Variants in TENT5D observed in about 807,000 individuals in gnomAD.
The protein encoded by TENT5D is cancer/testis antigen 112.
For synonymous variants in TENT5D, 103 were observed against 100.6 expected (o/e 1.02, Z -0.15); for missense variants, 191 against 287.0 (o/e 0.67, Z 2.42).
chrX:80,441,629 C>G (rs544557232), intron 2 of TENT5D, among the ~76,000 whole-genome samples: 13 of 111,179 alleles, frequency 1.2e-4, no homozygotes, highest in Non-Finnish European at 2.1e-4. Context: ...TCCATGTAAT[C>G]ACTGTGATTG....
chrX:80,367,875 G>A (rs965745100), intron 3 of TENT5D, among the ~76,000 whole-genome samples: 3 of 111,539 alleles, frequency 2.7e-5, no homozygotes, highest in Non-Finnish European at 5.7e-5. Context: ...GGGGGAAGTA[G>A]TGATGGTTAA....
At chrX:80,378,392 C>G (rs1930777819) in intron 3 of TENT5D, among the ~76,000 whole-genome samples, 1 of 111,654 alleles carries the variant, frequency 9.0e-6, no homozygotes, top group South Asian at 3.7e-4. Flanking sequence ...AGTCTTTAAT[C>G]CATCTTAAAT....
chrX:80,387,910 A>G (rs1931051859), intron 3 of TENT5D, among the ~76,000 whole-genome samples: 1 of 111,067 alleles, frequency 9.0e-6, no homozygotes, highest in Non-Finnish European at 1.9e-5. Context: ...TCTATTCTGT[A>G]TTCTACTATG....
At chrX:80,388,921 T>C (rs1931074712) in intron 3 of TENT5D, among the ~76,000 whole-genome samples, 1 of 111,519 alleles carries the variant, frequency 9.0e-6, no homozygotes, top group African/African-American at 3.3e-5. Flanking sequence ...TTCCAACCAC[T>C]AGGATGGACA....
intron 3 of TENT5D, among the ~76,000 whole-genome samples, chrX:80,362,324 C>T (rs755707123): frequency 5.4e-5 from 6 of 110,848 alleles, no homozygotes; most frequent in Admixed American, 2.9e-4. Flanking sequence ...CCACCACACC[C>T]GGCTAATTTT....
chrX:80,383,886 G>T (rs1450794549), intron 3 of TENT5D, among the ~76,000 whole-genome samples: 1 of 111,069 alleles, frequency 9.0e-6, no homozygotes, highest in African/African-American at 3.3e-5. Context: ...TCTCTGAAAA[G>T]ACCAATAACA....
At chrX:80,364,502 G>T (rs1220716114) in intron 3 of TENT5D, among the ~76,000 whole-genome samples, 1 of 110,507 alleles carries the variant, frequency 9.0e-6, no homozygotes, top group East Asian at 2.8e-4. Flanking sequence ...CTACTCATTG[G>T]GTTTCTCAAT....
At chrX:80,404,212 T>A (rs1357589385) in intron 3 of TENT5D, among the ~76,000 whole-genome samples, 1 of 111,833 alleles carries the variant, frequency 8.9e-6, no homozygotes, top group Non-Finnish European at 1.9e-5. Flanking sequence ...AGTCATTCAT[T>A]TAGCCAAAGT....
rs1932200175 is a variant in TENT5D at position 80,437,258 on chromosome X, A to T, written c.-141-1352A>T. ...TCATCATGGAGCCAGACACAAAGTT[A>T]ATGACTGGGTGAGGGATCTTTCTGA... On this transcript the variant is annotated intron_variant, in intron 1 of 2. Transcript: ENST00000308293. Among the ~76,000 whole-genome samples, 3 of 112,035 alleles carry T rather than the reference A, an allele frequency of 2.7e-5. No homozygotes were observed. The Admixed American group carries it at 2.9e-4, about 11-fold the overall frequency.
Position 80,428,256 on chromosome X carries a change from TTGTC to T in TENT5D, c.-142+7697_-142+7700del, listed in dbSNP as rs201649774. Among the ~76,000 whole-genome samples, 125 of 111,930 alleles carry T rather than the reference TTGTC, an allele frequency of 1.1e-3. 5 individuals carry two copies. In the East Asian group the frequency reaches 0.031, roughly 27 times the overall value. On this transcript the variant is annotated intron_variant, in intron 1 of 2. Transcript: ENST00000308293. The stretch of plus-strand genomic sequence containing the variant: ...CAAAGCTTGATATTTGAGGAGGTGA[TTGTC>T]TGTTAGCCAGAGACTTTCCCTAGAG...
chrX:80,432,181 G>A (rs1932101533), intron 1 of TENT5D, among the ~76,000 whole-genome samples: 1 of 111,287 alleles, frequency 9.0e-6, no homozygotes, highest in African/African-American at 3.3e-5. Context: ...AACAAAAAAA[G>A]AAGGAAAATG....
intron 2 of TENT5D, among the ~76,000 whole-genome samples, chrX:80,439,927 G>C (rs998043648): frequency 9.0e-6 from 1 of 110,602 alleles, no homozygotes; most frequent in Non-Finnish European, 1.9e-5. Flanking sequence ...GAATTTGTCA[G>C]TTAGTAATGA....
At chrX:80,378,369 G>T (rs1235189423) in intron 3 of TENT5D, among the ~76,000 whole-genome samples, 1 of 111,640 alleles carries the variant, frequency 9.0e-6, no homozygotes, top group African/African-American at 3.3e-5. Context: ...TATGGTTTTA[G>T]GTCTAAGATT....
At chrX:80,351,280 C>T (rs1930173027) in intron 3 of TENT5D, among the ~76,000 whole-genome samples, 1 of 109,965 alleles carries the variant, frequency 9.1e-6, no homozygotes, top group Non-Finnish European at 1.9e-5. Context: ...TCAGGGACCC[C>T]AATCAATCGT....
chrX:80,379,656 G>A (rs933651817), intron 3 of TENT5D, among the ~76,000 whole-genome samples: 2 of 111,266 alleles, frequency 1.8e-5, no homozygotes, highest in African/African-American at 6.5e-5. Flanking sequence ...GGTCTATTCA[G>A]GGATTCAACA....
intron 3 of TENT5D, among the ~76,000 whole-genome samples, chrX:80,366,965 T>C (rs1196418242): frequency 9.0e-6 from 1 of 111,460 alleles, no homozygotes; most frequent in Admixed American, 9.6e-5. Context: ...AGATAGAAAA[T>C]ATATGCATTT....
chrX:80,376,470 C>A (rs757117122), intron 3 of TENT5D, among the ~76,000 whole-genome samples: 1 of 111,444 alleles, frequency 9.0e-6, no homozygotes, highest in South Asian at 3.7e-4. Context: ...CCTAATTTCT[C>A]GTGTCTAGGC....
At chrX:80,387,835 G>A (rs1373786302) in intron 3 of TENT5D, among the ~76,000 whole-genome samples, 3 of 111,730 alleles carry the variant, frequency 2.7e-5, no homozygotes, top group Non-Finnish European at 5.6e-5. Context: ...AGGGCAGCAA[G>A]TTCCCATATT....
intron 3 of TENT5D, among the ~76,000 whole-genome samples, chrX:80,397,370 A>G (rs1602207021): frequency 2.1e-5 from 2 of 93,646 alleles, no homozygotes; most frequent in Admixed American, 1.1e-4. Flanking sequence ...CCTAGATGGG[A>G]TGGCGGCCGG....
Sources: gnomAD v4.1 joint callset for allele counts (sites outside exome capture counted in the v4.1 genomes callset) on GRCh38, gnomAD v4.1.1 for gene constraint, MANE v1.5 for transcripts, NCBI Gene and HGNC (gene_info 2026-07-23, HGNC 2026-07-21) for gene names.